Variants in MDGA2 observed in about 807,000 individuals in gnomAD.
The protein encoded by MDGA2 is MAM domain containing glycosylphosphatidylinositol anchor 2.
In MDGA2, 40 loss-of-function variants were observed where a neutral mutation model predicts 117.8. That is an observed-to-expected ratio of 0.34 (90% CI 0.26 to 0.44). The LOEUF (loss-of-function observed/expected upper bound fraction) is 0.44, where lower values mean the gene tolerates loss of function less well. Ranked by LOEUF, MDGA2 falls within the 20% of genes least tolerant of loss-of-function variation. The pLI is 1.00. For missense variants in MDGA2, 1,123 were observed against 1,250.6 expected (o/e 0.90, Z 1.54); for synonymous variants, 452 against 439.0 (o/e 1.03, Z -0.37).
At chr14:47,075,020 C>T (rs949880531) in intron 6 of MDGA2, among the ~76,000 whole-genome samples, 1 of 152,108 alleles carries the variant, frequency 6.6e-6, no homozygotes, top group Non-Finnish European at 1.5e-5. Context: ...GACACATTCT[C>T]CACATAATCA....
At chr14:47,216,585 T>A (rs1208840841) in intron 3 of MDGA2, among the ~76,000 whole-genome samples, 1 of 152,148 alleles carries the variant, frequency 6.6e-6, no homozygotes, top group East Asian at 1.9e-4. Flanking sequence ...ACATACCCAC[T>A]GATTTTCAGA....
intron 1 of MDGA2, among the ~76,000 whole-genome samples, chr14:47,384,361 A>G (rs1891710557): frequency 6.6e-6 from 1 of 151,304 alleles, no homozygotes; most frequent in Non-Finnish European, 1.5e-5. Flanking sequence ...TTTTGATACT[A>G]AACCTCATAA....
chr14:46,984,305 A>T (rs1273099845), intron 8 of MDGA2, among the ~76,000 whole-genome samples: 37 of 152,064 alleles, frequency 2.4e-4, no homozygotes, highest in Admixed American at 2.3e-3. Flanking sequence ...CCTATTTGTC[A>T]TACAAATACG....
chr14:47,154,824 C>T (rs1051347339), intron 3 of MDGA2, among the ~76,000 whole-genome samples: 1 of 152,100 alleles, frequency 6.6e-6, no homozygotes, highest in Admixed American at 6.6e-5. Flanking sequence ...GGCGGCTGGG[C>T]GGAAAGGGGC....
intron 9 of MDGA2, among the ~76,000 whole-genome samples, chr14:46,943,495 T>C (rs1885067946): frequency 6.6e-6 from 1 of 152,040 alleles, no homozygotes; most frequent in Non-Finnish European, 1.5e-5. Context: ...TTTGACTAAA[T>C]TCAAAAAACT....
intron 1 of MDGA2, among the ~76,000 whole-genome samples, chr14:47,427,961 T>G (rs1892724881): frequency 6.6e-6 from 1 of 152,178 alleles, no homozygotes; most frequent in African/African-American, 2.4e-5. Context: ...AAACTGGTGC[T>G]AAATTCCTAA....
At chr14:47,660,702 C>A (rs889078455) in intron 1 of MDGA2, among the ~76,000 whole-genome samples, 3 of 151,952 alleles carry the variant, frequency 2.0e-5, no homozygotes, top group Admixed American at 6.6e-5. Flanking sequence ...CCAAGACCAG[C>A]GATTGTTAAT....
intron 1 of MDGA2, among the ~76,000 whole-genome samples, chr14:47,641,871 T>C (rs1897431312): frequency 6.6e-6 from 1 of 152,108 alleles, no homozygotes; most frequent in Non-Finnish European, 1.5e-5. Context: ...TGAACTCATT[T>C]GATAGGGAAG....
chr14:46,964,905 C>T (rs1001430925), intron 8 of MDGA2, among the ~76,000 whole-genome samples: 1 of 137,836 alleles, frequency 7.3e-6, no homozygotes, highest in African/African-American at 2.9e-5. Context: ...AAAATATCCC[C>T]AAATATATAT....
At chr14:47,214,093 C>G (rs1885996098) in intron 3 of MDGA2, among the ~76,000 whole-genome samples, 1 of 152,040 alleles carries the variant, frequency 6.6e-6, no homozygotes, top group African/African-American at 2.4e-5. Context: ...AAGAGACCAC[C>G]TGCATGATTC....
chr14:47,525,192 C>G (rs1036483998), intron 1 of MDGA2, among the ~76,000 whole-genome samples: 2 of 152,166 alleles, frequency 1.3e-5, no homozygotes, highest in African/African-American at 4.8e-5. Context: ...TGACAACACT[C>G]GAAATTTTTT....
intron 3 of MDGA2, among the ~76,000 whole-genome samples, chr14:47,161,134 T>C (rs1410134437): frequency 6.6e-6 from 1 of 152,182 alleles, no homozygotes; most frequent in Non-Finnish European, 1.5e-5. Context: ...TTGCTTGCTG[T>C]TATGCTATTT....
At chr14:47,255,121 G>A (rs1026727462) in intron 2 of MDGA2, among the ~76,000 whole-genome samples, 2 of 152,158 alleles carry the variant, frequency 1.3e-5, no homozygotes, top group African/African-American at 2.4e-5. Context: ...ACATTAACAT[G>A]TGACATATTA....
intron 1 of MDGA2, among the ~76,000 whole-genome samples, chr14:47,644,328 G>C (rs1897484787): frequency 6.6e-6 from 1 of 152,182 alleles, no homozygotes; most frequent in South Asian, 2.1e-4. Flanking sequence ...AGTGTCCATG[G>C]ATGGACAAAA....
intron 3 of MDGA2, 73 bp from the exon 4 acceptor site, chr14:47,144,347 C>A: frequency 8.7e-7 from 1 of 1,148,938 alleles, no homozygotes; most frequent in Middle Eastern, 2.4e-4. Flanking sequence ...GCTTATATAA[C>A]CCAACCAAAA....
At chr14:47,231,576 A>T (rs975013717) in intron 2 of MDGA2, among the ~76,000 whole-genome samples, 4 of 152,072 alleles carry the variant, frequency 2.6e-5, no homozygotes, top group Admixed American at 2.6e-4. Context: ...TTACTCAGCC[A>T]TTGTAAAGTT....
At chr14:47,329,803 A>T (rs750394225) in intron 1 of MDGA2, among the ~76,000 whole-genome samples, 17 of 152,034 alleles carry the variant, frequency 1.1e-4, no homozygotes, top group Non-Finnish European at 1.6e-4. Context: ...ACAGAACTCT[A>T]GGTAATCTAG....
intron 1 of MDGA2, chr14:47,305,439 T>G (rs1285181248): frequency 6.6e-6 from 1 of 152,204 alleles, no homozygotes; most frequent in Non-Finnish European, 1.5e-5. Flanking sequence ...ACACTAATCA[T>G]ATCAACTGTC....
chr14:47,000,377 T>TA (rs1566567792), intron 8 of MDGA2, among the ~76,000 whole-genome samples: 4,301 of 99,976 alleles, frequency 0.043, 184 homozygotes, highest in African/African-American at 0.1. Flanking sequence ...ATATATATAT[T>TA]TATATATATA....
Sources: allele counts gnomAD v4.1 joint callset (sites outside exome capture counted in the v4.1 genomes callset), GRCh38; gene constraint gnomAD v4.1.1; transcripts MANE v1.5; gene names NCBI Gene and HGNC (gene_info 2026-07-23, HGNC 2026-07-21).